Variants in RYR3 observed in about 807,000 individuals in gnomAD.
RYR3 encodes ryanodine receptor 3.
Under a neutral mutation model 584.3 loss-of-function variants are expected in RYR3, and 207 were observed. That is an observed-to-expected ratio of 0.35 (90% CI 0.32 to 0.40). The LOEUF (loss-of-function observed/expected upper bound fraction) is 0.40, where lower values mean the gene tolerates loss of function less well. Ranked by LOEUF, RYR3 falls within the 10% of genes least tolerant of loss-of-function variation. RYR3 has a pLI of 1.00. For missense variants in RYR3, 5,616 were observed against 6,089.2 expected, an observed-to-expected ratio of 0.92 and a Z score of 2.59; for synonymous variants, 2,416 against 2,248.5, an observed-to-expected ratio of 1.07 and a Z score of -2.11.
chr15:33,465,071 G>A (rs955563220), intron 1 of RYR3, among the ~76,000 whole-genome samples: 6 of 152,108 alleles, frequency 3.9e-5, no homozygotes, highest in African/African-American at 1.4e-4. Context: ...GTGACATGAT[G>A]CCCTTCTTTT....
At chr15:33,628,653 T>A in intron 21 of RYR3, 78 bp downstream of exon 21, 1 of 881,518 alleles carries the variant, frequency 1.1e-6, no homozygotes, top group Non-Finnish European at 1.9e-6. Context: ...GCTGCATGCC[T>A]AGTTTTCATT....
At chr15:33,406,980 G>T (rs1703920539) in intron 1 of RYR3, among the ~76,000 whole-genome samples, 1 of 152,234 alleles carries the variant, frequency 6.6e-6, no homozygotes, top group South Asian at 2.1e-4. Context: ...AGGCTGGCAA[G>T]TCCAGAATCA....
chr15:33,401,485 T>C (rs12914919), intron 1 of RYR3, among the ~76,000 whole-genome samples: 7,728 of 152,254 alleles, frequency 0.051, 259 homozygotes, highest in Non-Finnish European at 0.076. Flanking sequence ...CGCCTATCAC[T>C]GCCAGCTGAA....
intron 70 of RYR3, 90 bp from the exon 71 acceptor site, chr15:33,810,389 C>A: frequency 7.4e-7 from 1 of 1,360,268 alleles, no homozygotes; most frequent in Non-Finnish European, 1.0e-6. Flanking sequence ...ACTGACAGGG[C>A]CACAAGGAGG....
At chr15:33,581,233 A>G (rs1276092615) in intron 13 of RYR3, among the ~76,000 whole-genome samples, 1 of 152,142 alleles carries the variant, frequency 6.6e-6, no homozygotes, top group East Asian at 1.9e-4. Context: ...CTTCCTAAGT[A>G]TGTCCTTGGA....
At position 33,838,369 on chromosome 15, in the gene RYR3, A is replaced by G; in HGVS notation, c.12389A>G (p.Glu4130Gly). The G allele has an allele frequency of 6.2e-7, 1 of 1,614,034 alleles. No homozygotes were observed. The highest frequency in any genetic ancestry group is 8.5e-7 in the Non-Finnish European group (1 of 1,179,890). ...TACGTGTTAGAAATTGCGGGTGAAG[A>G]GGAAGAAGACGGGTCTCTTGAGCCG... ...SSYVLEIAGE[E>G]EEDGSLEPAS... Residue 4130 changes from glutamate to glycine, a missense_variant, in exon 89 of 104, where the codon GAG becomes GGG. Glu to Gly is a moderately conservative substitution (Grantham distance 98, BLOSUM62 -2). Transcript: ENST00000634891.
intron 1 of RYR3, among the ~76,000 whole-genome samples, chr15:33,361,843 G>A (rs959352446): frequency 8.5e-5 from 13 of 152,334 alleles, no homozygotes; most frequent in Non-Finnish European, 1.6e-4. Context: ...GATCCGGGAT[G>A]GGGCTTAGGA....
chr15:33,493,510 G>A (rs1197037265), intron 2 of RYR3, among the ~76,000 whole-genome samples: 1 of 152,146 alleles, frequency 6.6e-6, no homozygotes, highest in Non-Finnish European at 1.5e-5. Flanking sequence ...TAAAGAGTCA[G>A]TGTTTCAGGT....
chr15:33,663,452 C>A, intron 35 of RYR3, 85 bp from the exon 36 acceptor site: 1 of 1,155,700 alleles, frequency 8.7e-7, no homozygotes, highest in Non-Finnish European at 1.2e-6. Flanking sequence ...TTGTCTAAGT[C>A]TCAGTGCTAC....
intron 81 of RYR3, among the ~76,000 whole-genome samples, chr15:33,825,194 G>A (rs537327784): frequency 6.6e-6 from 1 of 152,346 alleles, no homozygotes; most frequent in Admixed American, 6.5e-5. Context: ...GTAGGTAAAG[G>A]TGGGAGGCAA....
In RYR3 at chr15:33,562,980, A is replaced by C; in HGVS notation, c.1116A>C (p.Lys372Asn). Residue 372 changes from lysine (K) to asparagine (N), a missense_variant, in exon 11 of 104, where the codon AAA becomes AAC. Transcript: ENST00000634891. ...LWVTYKAQDA[K>N]TSRLGPLKRK... ...TGACCTACAAAGCACAAGACGCCAA[A>C]ACTTCCCGCCTGGGACCTCTAAAAA... is the stretch of plus-strand genomic sequence containing the variant. 1 of 1,612,130 alleles carries C rather than the reference A, an allele frequency of 6.2e-7. No homozygotes were observed. Among genetic ancestry groups the C allele is most frequent in the Non-Finnish European group, 8.5e-7 (1 of 1,178,888 alleles).
At chr15:33,710,907 C>T (rs964335613) in intron 43 of RYR3, among the ~76,000 whole-genome samples, 2 of 152,240 alleles carry the variant, frequency 1.3e-5, no homozygotes, top group Non-Finnish European at 2.9e-5. Context: ...CAAGTTAATT[C>T]TTCCCTCCTA....
chr15:33,466,899 G>T (rs1352895159), intron 1 of RYR3, among the ~76,000 whole-genome samples: 3 of 152,198 alleles, frequency 2.0e-5, no homozygotes, highest in African/African-American at 4.8e-5. Flanking sequence ...TACCCCTAAA[G>T]ATCTTAGAAT....
intron 10 of RYR3, among the ~76,000 whole-genome samples, chr15:33,551,624 A>C (rs1371295166): frequency 6.6e-6 from 1 of 152,202 alleles, no homozygotes; most frequent in Non-Finnish European, 1.5e-5. Flanking sequence ...ATTAAAAGAC[A>C]TGAGCTTCCT....
chr15:33,634,999 C>T (rs915890297), intron 25 of RYR3, among the ~76,000 whole-genome samples: 4 of 152,158 alleles, frequency 2.6e-5, no homozygotes, highest in Non-Finnish European at 5.9e-5. Flanking sequence ...GGTAGCTGAG[C>T]TTTTCAGAAT....
rs888094484 is a variant in RYR3 at position 33,725,974 on chromosome 15, C to G, written c.6913-412C>G. 3.7e-4 allele frequency among the ~76,000 whole-genome samples: 14 copies of G among 37,650 alleles called. 1 individual carries two copies. Among genetic ancestry groups the G allele is most frequent in the East Asian group, 1.4e-3 (1 of 706 alleles). The allele number at this position is 37,650 out of a possible 152,430, so 24.7% of individuals were successfully genotyped here. On this transcript the variant is annotated intron_variant, in intron 45 of 103. Transcript: ENST00000634891. ...GACAGAGCAAGACTCCATCCCCCCC[C>G]CCAAAAAAAAAAAAAAAAAAAAACA...
chr15:33,680,639 G>A (rs2064525677), intron 38 of RYR3, among the ~76,000 whole-genome samples: 1 of 152,340 alleles, frequency 6.6e-6, no homozygotes, highest in Admixed American at 6.5e-5. Context: ...GTGTGACCTA[G>A]AAAATGGAAC....
At chr15:33,564,586 C>T (rs1365436877) in intron 11 of RYR3, among the ~76,000 whole-genome samples, 1 of 152,166 alleles carries the variant, frequency 6.6e-6, no homozygotes, top group Non-Finnish European at 1.5e-5. Flanking sequence ...GTAATACCAT[C>T]TAGAGCCTCT....
chr15:33,705,305 G>A (rs112037632), intron 42 of RYR3, among the ~76,000 whole-genome samples: 1,806 of 152,246 alleles, frequency 0.012, 27 homozygotes, highest in African/African-American at 0.041. Context: ...TGTGGTGATA[G>A]ATTCTTGCTG....
Sources: allele counts gnomAD v4.1 joint callset (sites outside exome capture counted in the v4.1 genomes callset), GRCh38; gene constraint gnomAD v4.1.1; transcripts MANE v1.5; gene names NCBI Gene and HGNC (gene_info 2026-07-23, HGNC 2026-07-21).